The following PPP2R3B variants were observed in gnomAD, a reference collection of about 807,000 sequenced individuals.
PPP2R3B encodes the protein serine/threonine-protein phosphatase 2A regulatory subunit B'' subunit beta.
Under a neutral mutation model 72.9 loss-of-function variants are expected in PPP2R3B, and 68 were observed. That is an observed-to-expected ratio of 0.93 (90% confidence interval 0.77 to 1.14). PPP2R3B has a LOEUF of 1.14. Among genes scored for constraint, PPP2R3B ranks in the 50% most tolerant of loss-of-function variants. The pLI is 0.00. For synonymous variants in PPP2R3B, 466 were observed against 375.8 expected, an observed-to-expected ratio of 1.24 and a Z score of -2.78; for missense variants, 1,018 against 842.0, an observed-to-expected ratio of 1.21 and a Z score of -2.59.
In PPP2R3B at chrX:345,499, C is replaced by G; in HGVS notation, c.1036+17G>C. The G allele has an allele frequency of 6.2e-7, 1 of 1,612,340 alleles. No individual in the cohort carries two copies. The highest frequency in any genetic ancestry group is 8.5e-7 in the Non-Finnish European group (1 of 1,179,398). On this transcript the variant is annotated intron_variant, in intron 7 of 12. Transcript: ENST00000390665. ...TCGGTGTCCGCGCGGCCCGCCCGCC[C>G]CTGTGCCCCCACGCACCGTGGTCAT...
At chrX:358,994 G>C (rs1295250855) in intron 2 of PPP2R3B, among the ~76,000 whole-genome samples, 1 of 151,866 alleles carries the variant, frequency 6.6e-6, no homozygotes. Context: ...CGGCCGGGGA[G>C]GGGCATCGTG....
At chrX:337,616 G>C (rs34688453) in intron 12 of PPP2R3B, 1 of 151,762 alleles carries the variant, frequency 6.6e-6, no homozygotes, top group Non-Finnish European at 1.5e-5. Context: ...GAGCAAGGAC[G>C]GGCTGAGTCT....
intron 12 of PPP2R3B, chrX:338,317 G>T (rs1394400594): frequency 7.0e-6 from 4 of 567,718 alleles, no homozygotes; most frequent in Non-Finnish European, 3.2e-6. Flanking sequence ...AACACGACTC[G>T]GCCTCCCCGT....
At chrX:358,944 G>A (rs1388375602) in intron 2 of PPP2R3B, among the ~76,000 whole-genome samples, 1 of 136,084 alleles carries the variant, frequency 7.3e-6, no homozygotes, top group African/African-American at 2.7e-5. Context: ...CGCGGCGGGG[G>A]TAGGGGAGGG....
intron 1 of PPP2R3B, among the ~76,000 whole-genome samples, chrX:381,748 G>A (rs1305898980): frequency 1.3e-5 from 2 of 151,404 alleles, no homozygotes; most frequent in South Asian, 2.1e-4. Flanking sequence ...ACAGGCACCC[G>A]CCACCACGCC....
At chrX:377,743 A>T (rs367752368) in intron 1 of PPP2R3B, among the ~76,000 whole-genome samples, 1 of 95,642 alleles carries the variant, frequency 1.0e-5, no homozygotes, top group Non-Finnish European at 2.1e-5. Flanking sequence ...CAGTGGGGCC[A>T]CCATGGGGCT....
intron 2 of PPP2R3B, among the ~76,000 whole-genome samples, chrX:353,217 T>C (rs2071366337): frequency 6.6e-6 from 1 of 151,802 alleles, no homozygotes; most frequent in African/African-American, 2.4e-5. Flanking sequence ...CTCCTAAAAA[T>C]ACACAAATTA....
chrX:346,660 G>A (rs1440733120), intron 5 of PPP2R3B, 41 bp downstream of exon 5: 34 of 1,567,922 alleles, frequency 2.2e-5, no homozygotes, highest in East Asian at 1.4e-4. Context: ...AAACACCCGC[G>A]CCCCGCGCTG....
chrX:371,347 C>T (rs2071858998), intron 1 of PPP2R3B, among the ~76,000 whole-genome samples: 1 of 152,204 alleles, frequency 6.6e-6, no homozygotes, highest in South Asian at 2.1e-4. Context: ...TGAACGCATG[C>T]TGTTCCGTTC....
rs771462413 is a variant in PPP2R3B, at chrX:356,149, C to T, written c.510+5256G>A. ...AAGGCAAAGCGTGTGGCCACGTGCCCGCAGGGGTCAACGCTGCTGCCTGGA... is the reference window on the plus strand; with the variant it reads ...AAGGCAAAGCGTGTGGCCACGTGCCTGCAGGGGTCAACGCTGCTGCCTGGA... On this transcript the variant is annotated intron_variant, in intron 2 of 12. Transcript: ENST00000390665. Among the ~76,000 whole-genome samples the T allele has an allele frequency of 9.8e-5, 15 of 152,348 alleles. No individual in the cohort carries two copies. In the South Asian group the frequency reaches 1.9e-3, roughly 19 times the overall value.
chrX:356,189 G>A (rs978090848), intron 2 of PPP2R3B, among the ~76,000 whole-genome samples: 1 of 152,184 alleles, frequency 6.6e-6, no homozygotes, highest in Non-Finnish European at 1.5e-5. Context: ...CGTCACTCAG[G>A]GCCACCCCGG....
intron 2 of PPP2R3B, chrX:359,710 G>T (rs766563537): frequency 2.6e-6 from 1 of 385,538 alleles, no homozygotes; most frequent in African/African-American, 2.2e-5. Flanking sequence ...GTGTACAACA[G>T]CATGCTAATT....
intron 2 of PPP2R3B, among the ~76,000 whole-genome samples, chrX:357,998 C>T (rs1487398448): frequency 1.3e-5 from 2 of 152,202 alleles, no homozygotes; most frequent in Non-Finnish European, 2.9e-5. Context: ...ACTCAAAGTC[C>T]CCTCAGACGT....
chrX:364,422 T>C lies in PPP2R3B; in HGVS notation c.325-2832A>G, dbSNP rs755068470. ...GGCTCGTGCCTGCAATCCTGGCGCT[T>C]TGAAAGGAGGCTGAGGGGGACAGAC... On this transcript the variant is annotated intron_variant, in intron 1 of 12. Transcript: ENST00000390665. 9.2e-4 allele frequency among the ~76,000 whole-genome samples: 138 copies of C among 149,626 alleles called. 2 individuals are homozygous for C. Among genetic ancestry groups the C allele is most frequent in the African/African-American group, 3.2e-3 (128 of 40,548 alleles).
At chrX:385,728 G>C (rs1245748277) in intron 1 of PPP2R3B, among the ~76,000 whole-genome samples, 1 of 152,106 alleles carries the variant, frequency 6.6e-6, no homozygotes, top group Non-Finnish European at 1.5e-5. Context: ...CTGTGTTTGC[G>C]CCACTGCACT....
At chrX:369,509 T>C (rs2071808258) in intron 1 of PPP2R3B, among the ~76,000 whole-genome samples, 1 of 152,082 alleles carries the variant, frequency 6.6e-6, no homozygotes, top group East Asian at 1.9e-4. Context: ...AACACGTCCA[T>C]ATACGACCAA....
rs761304612 is a variant in PPP2R3B at position 376,247 on chromosome X, T to G, written c.324+10121A>C. Among the ~76,000 whole-genome samples, 47 of 150,924 alleles carry G rather than the reference T, an allele frequency of 3.1e-4. 1 individual carries two copies. The East Asian group carries it at 8.9e-3, about 29-fold the overall frequency. ...GGAAAACAGCCTCAAAATCCTGAAG[T>G]GCACACATAGGCAGAGATTTAGACT... On this transcript the variant is annotated intron_variant, in intron 1 of 12. Transcript: ENST00000390665.
rs2071250351 is a variant in PPP2R3B at position 347,639 on chromosome X, C to T, written c.565G>A (p.Glu189Lys). 2 of 1,576,374 alleles carry T rather than the reference C, an allele frequency of 1.3e-6. No individual in the cohort carries two copies. The highest frequency in any genetic ancestry group is 1.7e-6 in the Non-Finnish European group (2 of 1,161,304). ...TGGACGGACACGGAGCCCGTGCGCT[C>T]CCCGCCGGCGCCATAGAAGAGCGGC... is the stretch of plus-strand genomic sequence containing the variant. ...KGPLFYGAGG[E>K]RTGSVSVHKF... Residue 189 changes from glutamate to lysine, a missense_variant, in exon 3 of 13, where the codon GAG becomes AAG. Coordinates refer to ENST00000390665, the MANE Select transcript of PPP2R3B (RefSeq NM_013239.5).
chrX:367,758 C>A (rs1205662634), intron 1 of PPP2R3B, among the ~76,000 whole-genome samples: 1 of 152,136 alleles, frequency 6.6e-6, no homozygotes, highest in Non-Finnish European at 1.5e-5. Context: ...GGTCTGACTG[C>A]AGAAAGAAAA....
Sources: gnomAD v4.1 joint callset for allele counts (sites outside exome capture counted in the v4.1 genomes callset) on GRCh38, gnomAD v4.1.1 for gene constraint, MANE v1.5 for transcripts, NCBI Gene and HGNC (gene_info 2026-07-23, HGNC 2026-07-21) for gene names.